Variants in CEBPZOS observed in about 807,000 individuals in gnomAD.
CEBPZOS encodes the protein CEBPZ opposite strand.
A neutral mutation model predicts 4.8 loss-of-function variants in CEBPZOS; 10 were observed. That is an observed-to-expected ratio of 2.07 (90% CI 1.28 to 3.52). The LOEUF (loss-of-function observed/expected upper bound fraction) is 3.52. Ranked by LOEUF, CEBPZOS falls within the 30% of genes most tolerant of loss-of-function variation. The pLI is 0.00. For synonymous variants in CEBPZOS, 25 were observed against 14.2 expected, an observed-to-expected ratio of 1.77 and a Z score of -1.72; for missense variants, 98 against 43.6, an observed-to-expected ratio of 2.25 and a Z score of -3.51.
intron 4 of CEBPZOS, chr2:37,212,348 T>C (rs1558471089): frequency 1.2e-6 from 2 of 1,613,384 alleles, no homozygotes; most frequent in South Asian, 1.1e-5. Flanking sequence ...GCAAAATCCA[T>C]ATCATCCTTT....
Position 37,201,919 on chromosome 2 carries a change from A to AAAAG in CEBPZOS, c.*61_*64dup. On this transcript the variant is annotated 3_prime_UTR_variant, in exon 5 of 5. Transcript: ENST00000402297. ...TGTTTGAGACCTTTGAGAGAAGAAG[A>AAAAG]AAAGATGAGTGTACTACCACACTGT... The AAAAG allele has an allele frequency of 2.5e-6, 4 of 1,610,758 alleles. No homozygotes were observed. Among genetic ancestry groups the AAAAG allele is most frequent in the Non-Finnish European group, 3.4e-6 (4 of 1,178,904 alleles).
downstream of CEBPZOS, chr2:37,216,174 TC>T: frequency 6.2e-7 from 1 of 1,613,276 alleles, no homozygotes; most frequent in Non-Finnish European, 8.5e-7. Flanking sequence ...TAAAATGTTT[TC>T]TTTTCGGCTG....
chr2:37,201,373 C>T, intron 3 of CEBPZOS: 1 of 495,972 alleles, frequency 2.0e-6, no homozygotes, highest in Non-Finnish European at 3.6e-6. Flanking sequence ...AGATCAGTTT[C>T]ATCTCAGGTT....
chr2:37,198,861 G>C (rs532904559), intron 1 of CEBPZOS, among the ~76,000 whole-genome samples: 42 of 152,146 alleles, frequency 2.8e-4, no homozygotes, highest in African/African-American at 9.9e-4. Flanking sequence ...AAATTACTGC[G>C]TGTCTGCGAA....
Position 37,204,204 on chromosome 2 carries a change from A to G in CEBPZOS, c.*2344A>G, listed in dbSNP as rs1369929092. The G allele has an allele frequency of 1.3e-5, 2 of 151,568 alleles. No homozygotes were observed. The highest frequency in any genetic ancestry group is 2.9e-5 in the Non-Finnish European group (2 of 68,008). The allele number at this position is 151,568 out of a possible 1,614,324, so 9.4% of individuals were successfully genotyped here. On this transcript the variant is annotated 3_prime_UTR_variant, in exon 5 of 5. Coordinates refer to ENST00000402297, the MANE Select transcript of CEBPZOS (RefSeq NM_001322374.2). Reference sequence around the variant, plus strand: ...CACTTCTGTACTGTACTGGTTTCTTAAAGTTTCTTTTATCCCGCCCCCACC... The same window carrying G: ...CACTTCTGTACTGTACTGGTTTCTTGAAGTTTCTTTTATCCCGCCCCCACC...
At chr2:37,207,788 A>C (rs1328641795), downstream of CEBPZOS, among the ~76,000 whole-genome samples, 1 of 152,212 alleles carries the variant, frequency 6.6e-6, no homozygotes, top group African/African-American at 2.4e-5. Context: ...GCAGAAGAAA[A>C]GAAATAACAA....
intron 4 of CEBPZOS, chr2:37,211,497 C>G (rs1236750609): frequency 8.3e-6 from 2 of 239,650 alleles, no homozygotes; most frequent in Non-Finnish European, 1.6e-5. Flanking sequence ...AAATATTCAC[C>G]TTCATCTATG....
chr2:37,207,698 GTC>G (rs1197071498), downstream of CEBPZOS, among the ~76,000 whole-genome samples: 1 of 152,106 alleles, frequency 6.6e-6, no homozygotes, highest in African/African-American at 2.4e-5. Flanking sequence ...ACATCAAAAA[GTC>G]TGAAAGAGCA....
intron 2 of CEBPZOS, among the ~76,000 whole-genome samples, chr2:37,200,042 A>T (rs765818737): frequency 6.6e-6 from 1 of 152,192 alleles, no homozygotes; most frequent in Non-Finnish European, 1.5e-5. Context: ...AAAAAATTTC[A>T]TACCTCCATG....
At chr2:37,210,071 T>G (rs938704320) in intron 4 of CEBPZOS, 9 of 152,174 alleles carry the variant, frequency 5.9e-5, no homozygotes, top group African/African-American at 2.2e-4. Context: ...AAAGCCACAG[T>G]GCAATACCAC....
At chr2:37,210,786 T>G (rs1194999962) in intron 4 of CEBPZOS, 1 of 462,970 alleles carries the variant, frequency 2.2e-6, no homozygotes, top group African/African-American at 2.0e-5. Flanking sequence ...AACAAATTTT[T>G]AAAAAGTGAA....
intron 2 of CEBPZOS, 112 bp from the exon 3 acceptor site, chr2:37,200,936 A>C (rs1677198119): frequency 3.2e-6 from 2 of 620,142 alleles, no homozygotes; most frequent in African/African-American, 1.9e-5. Flanking sequence ...ACAAATTTCT[A>C]ATCTATATGG....
intron 1 of CEBPZOS, chr2:37,198,766 A>T (rs1677070877): frequency 6.6e-6 from 1 of 152,244 alleles, no homozygotes; most frequent in Non-Finnish European, 1.5e-5. Context: ...AAAGGAAGAC[A>T]ATCAAGATCT....
At chr2:37,210,105 A>C (rs1200769173) in intron 4 of CEBPZOS, 2 of 152,176 alleles carry the variant, frequency 1.3e-5, no homozygotes, top group Non-Finnish European at 2.9e-5. Context: ...GAATGGCCGT[A>C]ATTTAAAAAT....
intron 2 of CEBPZOS, 112 bp from the exon 3 acceptor site, chr2:37,200,936 A>T: frequency 1.6e-6 from 1 of 620,142 alleles, no homozygotes; most frequent in Non-Finnish European, 2.9e-6. Context: ...ACAAATTTCT[A>T]ATCTATATGG....
chr2:37,205,741 A>C (rs1393210184), downstream of CEBPZOS, among the ~76,000 whole-genome samples: 2 of 152,252 alleles, frequency 1.3e-5, no homozygotes, highest in African/African-American at 4.8e-5. Context: ...AAGTATGTAC[A>C]GTGCTTTCTA....
At chr2:37,211,744 G>C in intron 4 of CEBPZOS, 1 of 823,270 alleles carries the variant, frequency 1.2e-6, no homozygotes, top group Non-Finnish European at 1.8e-6. Context: ...GTATTAATTT[G>C]AATACAGGGC....
chr2:37,213,537 G>A (rs150195823), exon 5 of CEBPZOS: 105 of 175,512 alleles, frequency 6.0e-4, no homozygotes, highest in African/African-American at 1.8e-3. Flanking sequence ...TCTGCTTCTC[G>A]AGTAGCTGGG....
At position 37,203,849 on chromosome 2, in the gene CEBPZOS, A is replaced by G. The variant is rs2148334029; in HGVS notation, c.*1989A>G. On this transcript the variant is annotated 3_prime_UTR_variant, in exon 5 of 5. Coordinates refer to ENST00000402297, the MANE Select transcript of CEBPZOS (RefSeq NM_001322374.2). ...TTTTTCATTTAGCATAACGTTTTTG[A>G]GGCTCATCCATGTTGTAGTACTCCA... 1 of 152,292 alleles carries G rather than the reference A, an allele frequency of 6.6e-6. No individual in the cohort carries two copies. The highest frequency in any genetic ancestry group is 3.4e-3 in the Middle Eastern group (1 of 294). 9.4% of individuals were successfully genotyped at this position (152,292 alleles called of 1,614,324 possible).
Sources: gnomAD v4.1 joint callset for allele counts (sites outside exome capture counted in the v4.1 genomes callset) on GRCh38, gnomAD v4.1.1 for gene constraint, MANE v1.5 for transcripts, NCBI Gene and HGNC (gene_info 2026-07-23, HGNC 2026-07-21) for gene names.